RAD23B: variants seen among roughly 807,000 people sequenced by gnomAD.
RAD23B encodes lysine-specific demethylase RAD23B.
Under a neutral mutation model 49.1 loss-of-function variants are expected in RAD23B, and 5 were observed. That is an observed-to-expected ratio of 0.10 (90% CI 0.05 to 0.21). The LOEUF (loss-of-function observed/expected upper bound fraction) is 0.21, where lower values mean the gene tolerates loss of function less well. Among genes scored for constraint, RAD23B ranks in the 10% least tolerant of loss-of-function variants. The probability of loss-of-function intolerance (pLI) is 1.00; values close to 1 mark genes in which losing one functional copy is unlikely to be tolerated. For missense variants in RAD23B, 356 were observed against 486.7 expected, an observed-to-expected ratio of 0.73 and a Z score of 2.53; for synonymous variants, 184 against 165.4, an observed-to-expected ratio of 1.11 and a Z score of -0.86.
At position 107,318,801 on chromosome 9, in the gene RAD23B, C is replaced by T; in HGVS notation, c.603C>T (p.Gly201=). 6.2e-7 allele frequency: 1 copy of T among 1,613,428 alleles called. No individual in the cohort carries two copies. Among genetic ancestry groups the T allele is most frequent in the Non-Finnish European group, 8.5e-7 (1 of 1,179,490 alleles). ...TGGTAACTGAGATCATGTCAATGGGCTATGAACGAGAGCAAGTAATTGCAG... is the reference window on the plus strand; with the variant it reads ...TGGTAACTGAGATCATGTCAATGGGTTATGAACGAGAGCAAGTAATTGCAG... ...ENMVTEIMSM[G]YEREQVIAAL... Residue 201 remains glycine, a synonymous_variant, in exon 6 of 10, where the codon GGC becomes GGT. Transcript: ENST00000358015. This position sits in a 1 kb window ranked among gnomAD's most constrained non-coding sequence, Gnocchi z 4.3.
At chr9:107,320,022 T>A (rs540547806) in intron 6 of RAD23B, among the ~76,000 whole-genome samples, 3 of 152,348 alleles carry the variant, frequency 2.0e-5, no homozygotes, top group South Asian at 4.1e-4. Flanking sequence ...CATTCCTTTG[T>A]GTCTAGGTTG....
intron 9 of RAD23B, 118 bp from the exon 10 acceptor site, chr9:107,329,425 G>A (rs1360876148): frequency 1.6e-6 from 1 of 613,948 alleles, no homozygotes; most frequent in East Asian, 2.9e-5. Context: ...TTGGGTTGCA[G>A]TATGTTTTTG....
chr9:107,303,114 G>A (rs752021064), intron 3 of RAD23B, among the ~76,000 whole-genome samples: 8 of 152,058 alleles, frequency 5.3e-5, no homozygotes, highest in Non-Finnish European at 1.2e-4. Flanking sequence ...ATGCAGTGTA[G>A]AATTAAGAGA....
intron 1 of RAD23B, among the ~76,000 whole-genome samples, chr9:107,297,537 C>T (rs10816487): frequency 0.55 from 83,467 of 151,908 alleles, 23,118 homozygotes; most frequent in East Asian, 0.75. Flanking sequence ...GATGGGGTTT[C>T]ACCATGTTGG....
chr9:107,321,005 A>G lies in RAD23B; in HGVS notation c.682-978A>G, dbSNP rs75213530. Among the ~76,000 whole-genome samples the G allele has an allele frequency of 3.5e-3, 528 of 152,278 alleles. 3 individuals are homozygous for G. Among genetic ancestry groups the G allele is most frequent in the African/African-American group, 0.012 (510 of 41,568 alleles). ...TGGTTCTTTATTCTCTTCAAAATCT[A>G]TAAGAACTTGATAAAGACTTTTTAA... On this transcript the variant is annotated intron_variant, in intron 6 of 9. Coordinates refer to ENST00000358015, the MANE Select transcript of RAD23B (RefSeq NM_002874.5).
intron 7 of RAD23B, among the ~76,000 whole-genome samples, chr9:107,322,715 T>C (rs539136643): frequency 6.6e-6 from 1 of 152,346 alleles, no homozygotes; most frequent in South Asian, 2.1e-4. Flanking sequence ...ATTAATAAAG[T>C]AATTTAAACT....
intron 1 of RAD23B, among the ~76,000 whole-genome samples, chr9:107,292,201 A>G (rs1166239894): frequency 2.6e-5 from 4 of 152,258 alleles, no homozygotes; most frequent in African/African-American, 9.6e-5. Flanking sequence ...GAATTTATGT[A>G]CATTAATTTA....
intron 5 of RAD23B, among the ~76,000 whole-genome samples, chr9:107,315,795 C>T (rs907287972): frequency 2.6e-5 from 4 of 151,896 alleles, no homozygotes; most frequent in Middle Eastern, 3.4e-3. Flanking sequence ...ATTACAGGTG[C>T]GAGCCACTGT....
At chr9:107,294,023 G>A (rs1179945955) in intron 1 of RAD23B, among the ~76,000 whole-genome samples, 1 of 152,116 alleles carries the variant, frequency 6.6e-6, no homozygotes, top group East Asian at 1.9e-4. Flanking sequence ...GGGATAACAG[G>A]GGAAATGACT....
chr9:107,296,020 T>G (rs564282740), intron 1 of RAD23B, among the ~76,000 whole-genome samples: 2 of 152,290 alleles, frequency 1.3e-5, no homozygotes, highest in South Asian at 4.1e-4. Context: ...AACAGTTAAC[T>G]AAGAGCTGGT....
At chr9:107,306,044 T>TA (rs1564245426) in intron 3 of RAD23B, among the ~76,000 whole-genome samples, 1,265 of 19,264 alleles carry the variant, frequency 0.066, 59 homozygotes, top group Non-Finnish European at 0.075. Context: ...AATGATACGG[T>TA]TTATATCTAT....
rs1233259822 is a variant in RAD23B at position 107,318,133 on chromosome 9, G to T, written c.554-619G>T. On this transcript the variant is annotated intron_variant, in intron 5 of 9. Coordinates refer to ENST00000358015, the MANE Select transcript of RAD23B (RefSeq NM_002874.5). This position sits in a 1 kb window ranked among gnomAD's most constrained non-coding sequence, Gnocchi z 4.3. ...ATTATATGAGTTTCCTGTTGCTACT[G>T]TAGTAAGTTACCACAAACTTATTGG... Among the ~76,000 whole-genome samples the T allele has an allele frequency of 2.6e-5, 4 of 152,124 alleles. No homozygotes were observed. Among genetic ancestry groups the T allele is most frequent in the Non-Finnish European group, 5.9e-5 (4 of 68,034 alleles).
chr9:107,302,709 G>T lies in RAD23B; in HGVS notation c.228+595G>T, dbSNP rs373606664. On this transcript the variant is annotated intron_variant, in intron 3 of 9. Transcript: ENST00000358015. ...CTCGCTCTGTTGCCCAGGCTGGAGC[G>T]CAGTGACGCTGTCTTGGCTCACTAC... 2.7e-5 allele frequency among the ~76,000 whole-genome samples: 4 copies of T among 150,528 alleles called. No homozygotes were observed. In the East Asian group the frequency reaches 7.9e-4, roughly 30 times the overall value.
intron 3 of RAD23B, among the ~76,000 whole-genome samples, 199 bp from the exon 4 acceptor site, chr9:107,306,180 C>G (rs917393051): frequency 6.6e-6 from 1 of 150,456 alleles, no homozygotes; most frequent in African/African-American, 2.5e-5. Flanking sequence ...TTAACATACG[C>G]TGTCATGAGC....
At chr9:107,299,993 T>A in intron 1 of RAD23B, 148 bp from the exon 2 acceptor site, 1 of 1,026,768 alleles carries the variant, frequency 9.7e-7, no homozygotes, top group East Asian at 2.9e-5. Context: ...GAATCTTTTT[T>A]GATATAAATT....
At chr9:107,313,781 C>A (rs1040063734) in intron 5 of RAD23B, among the ~76,000 whole-genome samples, 1 of 152,140 alleles carries the variant, frequency 6.6e-6, no homozygotes, top group African/African-American at 2.4e-5. Context: ...CAGTCTGATT[C>A]TTTTCTTGTT....
intron 5 of RAD23B, among the ~76,000 whole-genome samples, chr9:107,315,108 G>A (rs1826964443): frequency 1.3e-5 from 2 of 152,080 alleles, no homozygotes; most frequent in African/African-American, 4.8e-5. Context: ...GTAGTTTCAG[G>A]TCTTAATATT....
intron 5 of RAD23B, among the ~76,000 whole-genome samples, chr9:107,317,099 T>C (rs967835125): frequency 5.6e-4 from 4 of 7,196 alleles, no homozygotes; most frequent in East Asian, 3.2e-3. Context: ...CGCGTGCGTG[T>C]GTGTGTGTGT....
At chr9:107,301,195 T>C (rs1219520525) in intron 2 of RAD23B, among the ~76,000 whole-genome samples, 2 of 152,238 alleles carry the variant, frequency 1.3e-5, no homozygotes, top group Non-Finnish European at 2.9e-5. Flanking sequence ...CTGTAGCATC[T>C]TGCCCTTTCT....
Sources: gnomAD v4.1 joint callset for allele counts (sites outside exome capture counted in the v4.1 genomes callset) on GRCh38, gnomAD v4.1.1 for gene constraint, Gnocchi (gnomAD v3.1) non-coding constraint, MANE v1.5 for transcripts, NCBI Gene and HGNC (gene_info 2026-07-23, HGNC 2026-07-21) for gene names.